RAB44: variants seen among roughly 807,000 people sequenced by gnomAD.
RAB44 encodes ras-related protein Rab-44.
In RAB44, 67 loss-of-function variants were observed where a neutral mutation model predicts 93.3. That is an observed-to-expected ratio of 0.72 (90% CI 0.59 to 0.88). The LOEUF (loss-of-function observed/expected upper bound fraction) is 0.88. Ranked by LOEUF, RAB44 falls within the 40% of genes least tolerant of loss-of-function variation. The pLI, the probability that RAB44 is intolerant of heterozygous loss-of-function variation, is 0.00. For synonymous variants in RAB44, 427 were observed against 520.3 expected (o/e 0.82, Z 2.44); for missense variants, 1,064 against 1,261.7 (o/e 0.84, Z 2.37).
intron 8 of RAB44, 37 bp downstream of exon 8, chr6:36,720,587 A>G: frequency 8.2e-7 from 1 of 1,226,692 alleles, no homozygotes; most frequent in Non-Finnish European, 1.0e-6. Flanking sequence ...GGTGGACTCT[A>G]AGGGCCTCCT....
At chr6:36,714,029 C>T in intron 3 of RAB44, 90 bp downstream of exon 3, 2 of 823,266 alleles carry the variant, frequency 2.4e-6, no homozygotes, top group South Asian at 1.5e-5. Context: ...AGAAAGGCAA[C>T]CCTTTTCCCA....
intron 1 of RAB44, among the ~76,000 whole-genome samples, chr6:36,700,386 C>T (rs62406593): frequency 0.25 from 37,929 of 152,104 alleles, 4,815 homozygotes; most frequent in East Asian, 0.27. Context: ...CTCCAGGTCA[C>T]GAGAGTGGGA....
In RAB44 at chr6:36,713,838, T is replaced by C. The variant is rs1423820126; in HGVS notation, c.218T>C (p.Phe73Ser). ...VTREDLAVAK[F>S]SFLGSKEESE... ...GCCCATTCCTTCCAGGTGGCCAAGT[T>C]CAGCTTCCTGGGCAGCAAGGAAGAG... Residue 73 changes from phenylalanine (F) to serine (S), a missense_variant, in exon 3 of 14, where the codon TTC (phenylalanine) becomes TCC (serine). By Grantham distance (155) the Phe-to-Ser change is radical. Transcript: ENST00000612677. 6.5e-7 allele frequency: 1 copy of C among 1,535,730 alleles called. No individual in the cohort carries two copies. The highest frequency in any genetic ancestry group is 8.7e-7 in the Non-Finnish European group (1 of 1,146,654).
At chr6:36,704,197 C>T (rs1276819910) in intron 1 of RAB44, 27 bp from the exon 2 acceptor site, 14 of 1,515,002 alleles carry the variant, frequency 9.2e-6, no homozygotes, top group East Asian at 2.5e-5. Flanking sequence ...TCCAGCAGCC[C>T]GGTGCCCCTC....
In RAB44 at chr6:36,721,679, A is replaced by C; in HGVS notation, c.1545A>C (p.Pro515=). Residue 515 remains proline, a synonymous_variant, in exon 9 of 14, where the codon CCA becomes CCC. Coordinates refer to ENST00000612677, the MANE Select transcript of RAB44 (RefSeq NM_001257357.2). The stretch of plus-strand genomic sequence containing the variant: ...CGAACTCTCCCCCTCCCCAGGCCCC[A>C]GCTGGGTCCAGCAAACAGATCCAGG... ...PPANSPPPQA[P]AGSSKQIQAS... 1 of 1,234,026 alleles carries C rather than the reference A, an allele frequency of 8.1e-7. No homozygotes were observed. The highest frequency in any genetic ancestry group is 1.0e-6 in the Non-Finnish European group (1 of 988,088). 76.4% of individuals were successfully genotyped at this position (1,234,026 alleles called of 1,614,324 possible).
At chr6:36,706,385 C>T (rs540951904) in intron 2 of RAB44, among the ~76,000 whole-genome samples, 1 of 152,306 alleles carries the variant, frequency 6.6e-6, no homozygotes, top group African/African-American at 2.4e-5. Flanking sequence ...CCAAGATATT[C>T]TCTTCACCAG....
At chr6:36,716,985 C>A (rs185867876) in intron 4 of RAB44, among the ~76,000 whole-genome samples, 105 of 152,260 alleles carry the variant, frequency 6.9e-4, no homozygotes, top group Non-Finnish European at 1.1e-3. Flanking sequence ...AGAGAGAGGG[C>A]AGATGGAAGC....
Position 36,717,187 on chromosome 6 carries a change from T to C in RAB44, c.495-86T>C. On this transcript the variant is annotated intron_variant, in intron 4 of 13. Transcript: ENST00000612677. The surrounding 1 kb of genome is among the most constrained non-coding windows in gnomAD (Gnocchi z 4.1). ...GCCAAAGTCTCTTGGAGCGCTGCAG[T>C]GAAAACTGAGGAGTGGGGCTCCCCT... 2 of 1,204,688 alleles carry C rather than the reference T, an allele frequency of 1.7e-6. No individual in the cohort carries two copies. The highest frequency in any genetic ancestry group is 2.1e-6 in the Non-Finnish European group (2 of 963,748). 74.6% of individuals were successfully genotyped at this position (1,204,688 alleles called of 1,614,324 possible).
chr6:36,708,959 C>T (rs1972291), intron 2 of RAB44, among the ~76,000 whole-genome samples: 22,273 of 151,170 alleles, frequency 0.15, 1,767 homozygotes, highest in African/African-American at 0.2. Context: ...TTATTATTAT[C>T]ATTTGAGACA....
intron 3 of RAB44, among the ~76,000 whole-genome samples, chr6:36,715,102 A>AATATATATAT (rs3046039): frequency 2.0e-5 from 3 of 148,198 alleles, no homozygotes; most frequent in African/African-American, 7.7e-5. Flanking sequence ...GTTGGCTTAA[A>AATATATATAT]ATATATATAT....
In RAB44 at chr6:36,721,312, C is replaced by T. The variant is rs572512485; in HGVS notation, c.1178C>T (p.Pro393Leu). ...CTGCAGCTCTGCTGGAGCCCGCCCC[C>T]GACCCCAAGAGCCACCTCAGGCCCC... Reference protein sequence around the residue: ...GALQLCWSPPPTPRATSGPQT... With the variant: ...GALQLCWSPPLTPRATSGPQT... The change falls in exon 9 of 14, where the codon CCG becomes CTG. Residue 393 changes from proline to leucine, a missense_variant. Coordinates refer to ENST00000612677, the MANE Select transcript of RAB44 (RefSeq NM_001257357.2). 1.1e-5 allele frequency: 13 copies of T among 1,233,970 alleles called. No individual in the cohort carries two copies. The highest frequency in any genetic ancestry group is 4.6e-5 in the African/African-American group (3 of 64,522). The allele number at this position is 1,233,970 out of a possible 1,614,324, so 76.4% of individuals were successfully genotyped here.
chr6:36,718,222 T>C (rs1438984177), intron 6 of RAB44, 104 bp downstream of exon 6: 1 of 721,220 alleles, frequency 1.4e-6, no homozygotes, highest in African/African-American at 1.8e-5. Context: ...AGGAGGCTGC[T>C]GTAGTGAATC....
At chr6:36,708,093 T>A (rs1000408445) in intron 2 of RAB44, among the ~76,000 whole-genome samples, 1 of 151,908 alleles carries the variant, frequency 6.6e-6, no homozygotes, top group Non-Finnish European at 1.5e-5. Context: ...GCACCTGCAG[T>A]CCCAGCTACT....
intron 9 of RAB44, among the ~76,000 whole-genome samples, chr6:36,723,862 C>T (rs1289970463): frequency 1.2e-5 from 1 of 82,058 alleles, no homozygotes; most frequent in Non-Finnish European, 3.1e-5. Flanking sequence ...AAAGCAAACC[C>T]GAGGGAATGG....
At chr6:36,725,283 C>T (rs2150340407) in intron 9 of RAB44, among the ~76,000 whole-genome samples, 1 of 152,314 alleles carries the variant, frequency 6.6e-6, no homozygotes, top group Middle Eastern at 3.4e-3. Context: ...TCAAGTGATT[C>T]TCTTGCCTCA....
rs1247653871 is a variant in RAB44 at position 36,722,715 on chromosome 6, G to A, written c.2581G>A (p.Gly861Arg). ...HLLHQNSFAT[G>R]LTATVGVDFR... ...GCTGCACCAGAATTCTTTCGCCACC[G>A]GATTGACAGCTACCGTGGGTAAGGG... Residue 861 changes from glycine (G) to arginine (R), a missense_variant, in exon 9 of 14, where the codon GGA becomes AGA. Transcript: ENST00000612677. 26 of 1,550,630 alleles carry A rather than the reference G, an allele frequency of 1.7e-5. No homozygotes were observed. Among genetic ancestry groups the A allele is most frequent in the Admixed American group, 5.9e-5 (3 of 51,012 alleles).
In RAB44 at chr6:36,721,206, G is replaced by T; in HGVS notation, c.1072G>T (p.Ala358Ser). The change falls in exon 9 of 14, where the codon GCC becomes TCC. Residue 358 changes from alanine to serine, a missense_variant. Coordinates refer to ENST00000612677, the MANE Select transcript of RAB44 (RefSeq NM_001257357.2). The stretch of plus-strand genomic sequence containing the variant: ...CCCTCAGGCTGCCTCCCCTGAGGAG[G>T]CCCCCCTGCCTGGGCTATTTGGGGA... ...PDPQAASPEE[A>S]PLPGLFGDND... is the part of the protein sequence containing the mutation. 8.1e-7 allele frequency: 1 copy of T among 1,234,336 alleles called. No individual in the cohort carries two copies. The highest frequency in any genetic ancestry group is 1.0e-6 in the Non-Finnish European group (1 of 988,194). 76.5% of individuals were successfully genotyped at this position (1,234,336 alleles called of 1,614,324 possible).
At position 36,722,689 on chromosome 6, in the gene RAB44, T is replaced by G; in HGVS notation, c.2555T>G (p.Leu852Arg). Residue 852 changes from leucine to arginine, a missense_variant, in exon 9 of 14, where the codon CTG becomes CGG. By Grantham distance (102) the Leu-to-Arg change is moderately radical. Coordinates refer to ENST00000612677, the MANE Select transcript of RAB44 (RefSeq NM_001257357.2). ...SNVGKTSFLH[L>R]LHQNSFATGL... Reference sequence around the variant, plus strand: ...GTGGGCAAAACATCCTTCCTGCACCTGCTGCACCAGAATTCTTTCGCCACC... The same window carrying G: ...GTGGGCAAAACATCCTTCCTGCACCGGCTGCACCAGAATTCTTTCGCCACC... 1 of 1,550,650 alleles carries G rather than the reference T, an allele frequency of 6.4e-7. No homozygotes were observed. Among genetic ancestry groups the G allele is most frequent in the Non-Finnish European group, 8.7e-7 (1 of 1,147,002 alleles).
rs1763385599 is a variant in RAB44, at chr6:36,732,498, C to T, written c.*405C>T. On this transcript the variant is annotated 3_prime_UTR_variant, in exon 14 of 14. Coordinates refer to ENST00000612677, the MANE Select transcript of RAB44 (RefSeq NM_001257357.2). ...ACAATAACAGTATTCAATACATAAT[C>T]AGAAAAAAGAGATGTGGAGGAGGAG... 1 of 152,884 alleles carries T rather than the reference C, an allele frequency of 6.5e-6. No individual in the cohort carries two copies. The highest frequency in any genetic ancestry group is 1.5e-5 in the Non-Finnish European group (1 of 68,784). 9.5% of individuals were successfully genotyped at this position (152,884 alleles called of 1,614,324 possible). A position where few individuals can be genotyped will look rare whatever the true frequency, so the allele number is the denominator to read the frequency against.
Sources: allele counts gnomAD v4.1 joint callset (sites outside exome capture counted in the v4.1 genomes callset), GRCh38; gene constraint gnomAD v4.1.1; non-coding constraint Gnocchi (gnomAD v3.1); transcripts MANE v1.5; gene names NCBI Gene and HGNC (gene_info 2026-07-23, HGNC 2026-07-21).